The following FKBP1A variants were observed in gnomAD, a reference collection of about 807,000 sequenced individuals.
The protein encoded by FKBP1A is peptidyl-prolyl cis-trans isomerase FKBP1A.
In FKBP1A, 5 loss-of-function variants were observed where a neutral mutation model predicts 14.2. That is an observed-to-expected ratio of 0.35 (90% CI 0.18 to 0.74). The LOEUF (loss-of-function observed/expected upper bound fraction) is 0.74, where lower values mean the gene tolerates loss of function less well. FKBP1A is among the 30% of genes least tolerant of loss of function. FKBP1A has a pLI of 0.56. For synonymous variants in FKBP1A, 42 were observed against 49.1 expected (o/e 0.86, Z 0.60); for missense variants, 53 against 138.8 (o/e 0.38, Z 3.10).
chr20:1,375,011 A>G (rs899678583), intron 3 of FKBP1A, among the ~76,000 whole-genome samples: 9 of 152,010 alleles, frequency 5.9e-5, no homozygotes, highest in African/African-American at 1.9e-4. Flanking sequence ...TAATTTTTGT[A>G]TTTTTAATGG....
chr20:1,383,494 G>T (rs1350811023), intron 2 of FKBP1A, among the ~76,000 whole-genome samples: 1 of 151,940 alleles, frequency 6.6e-6, no homozygotes, highest in East Asian at 1.9e-4. Context: ...CAACACGCAG[G>T]TGAGTTTCTT....
chr20:1,370,904 A>G, intron 4 of FKBP1A: 2 of 985,500 alleles, frequency 2.0e-6, no homozygotes, highest in Non-Finnish European at 2.4e-6. Context: ...GTAAAGTGCC[A>G]GGGATTCCCT....
At chr20:1,374,542 T>C (rs947373920) in intron 3 of FKBP1A, 5 of 152,230 alleles carry the variant, frequency 3.3e-5, no homozygotes, top group Non-Finnish European at 5.9e-5. Context: ...TGCACCTTTA[T>C]AGCCTGGTGG....
intron 3 of FKBP1A, chr20:1,375,164 G>C (rs2089523528): frequency 2.0e-6 from 1 of 511,738 alleles, no homozygotes; most frequent in Non-Finnish European, 3.4e-6. Flanking sequence ...CAAAGTGCTG[G>C]AATTACAGGC....
chr20:1,392,521 C>T (rs1259460020), intron 2 of FKBP1A, among the ~76,000 whole-genome samples: 2 of 152,212 alleles, frequency 1.3e-5, no homozygotes, highest in African/African-American at 4.8e-5. Context: ...AGTGACTTCG[C>T]CTCGCCAAGC....
intron 2 of FKBP1A, among the ~76,000 whole-genome samples, chr20:1,388,725 A>G (rs2089696721): frequency 7.3e-6 from 1 of 137,192 alleles, no homozygotes. Flanking sequence ...TTGTCCACAC[A>G]GTAGCCAGAA....
At chr20:1,388,850 C>T (rs1202119527) in intron 2 of FKBP1A, among the ~76,000 whole-genome samples, 1 of 152,110 alleles carries the variant, frequency 6.6e-6, no homozygotes, top group Non-Finnish European at 1.5e-5. Flanking sequence ...TCCACCATCC[C>T]CTCATCTCCT....
At position 1,375,245 on chromosome 20, in the gene FKBP1A, A is replaced by C. The variant is rs570247638; in HGVS notation, c.198+246T>G. On this transcript the variant is annotated intron_variant, in intron 3 of 4. Coordinates refer to ENST00000400137, the MANE Select transcript of FKBP1A (RefSeq NM_000801.5). ...GCAAGTGTCAAAAATGCATTAAGTG[A>C]AAAAGTAAACTGCAAAACAGTATGT... The C allele has an allele frequency of 9.6e-5, 55 of 572,508 alleles. No homozygotes were observed. The African/African-American group carries it at 1.0e-3, about 10-fold the overall frequency. The allele number at this position is 572,508 out of a possible 1,614,324, so 35.5% of individuals were successfully genotyped here. A position where few individuals can be genotyped will look rare whatever the true frequency, so the allele number is the denominator to read the frequency against.
chr20:1,371,867 T>C, intron 4 of FKBP1A: 1 of 1,284,224 alleles, frequency 7.8e-7, no homozygotes, highest in Non-Finnish European at 9.8e-7. Context: ...ACTGGGAACA[T>C]ACACATGCCA....
intron 2 of FKBP1A, among the ~76,000 whole-genome samples, chr20:1,384,734 T>A (rs1426845867): frequency 6.6e-6 from 1 of 152,180 alleles, no homozygotes; most frequent in Non-Finnish European, 1.5e-5. Flanking sequence ...CTCCCTGAAG[T>A]GGGGTTCTGA....
At chr20:1,387,926 A>T (rs1183301631) in intron 2 of FKBP1A, among the ~76,000 whole-genome samples, 1 of 152,204 alleles carries the variant, frequency 6.6e-6, no homozygotes, top group Non-Finnish European at 1.5e-5. Context: ...ATTTAGAAAG[A>T]ATGAAGGAAT....
At chr20:1,371,836 G>T (rs2089468586) in intron 4 of FKBP1A, 1 of 1,209,108 alleles carries the variant, frequency 8.3e-7, no homozygotes, top group East Asian at 3.7e-5. Flanking sequence ...CATTTAAACA[G>T]CTGCCATCTC....
chr20:1,374,038 T>A (rs1384706427), intron 3 of FKBP1A, among the ~76,000 whole-genome samples: 1 of 152,208 alleles, frequency 6.6e-6, no homozygotes, highest in African/African-American at 2.4e-5. Context: ...ATAGAGGAAG[T>A]AGAGCAATGT....
chr20:1,389,487 A>G (rs1015250118), intron 2 of FKBP1A, among the ~76,000 whole-genome samples: 2 of 152,132 alleles, frequency 1.3e-5, no homozygotes, highest in African/African-American at 4.8e-5. Context: ...AGGAAAAGCA[A>G]GGGGCTTGAG....
Position 1,370,019 on chromosome 20 carries a change from C to T in FKBP1A, c.*90G>A, listed in dbSNP as rs1242463543. On this transcript the variant is annotated 3_prime_UTR_variant, in exon 5 of 5. Coordinates refer to ENST00000400137, the MANE Select transcript of FKBP1A (RefSeq NM_000801.5). ...GTGGAGTGGAACATCAGGAAAAGCT[C>T]CATATGGATTCATGTGCACATGTCT... The T allele has an allele frequency of 6.5e-7, 1 of 1,550,078 alleles. No individual in the cohort carries two copies. Among genetic ancestry groups the T allele is most frequent in the Non-Finnish European group, 8.7e-7 (1 of 1,146,804 alleles).
chr20:1,392,582 G>A (rs1815050450), intron 2 of FKBP1A, among the ~76,000 whole-genome samples: 1 of 152,176 alleles, frequency 6.6e-6, no homozygotes, highest in African/African-American at 2.4e-5. Flanking sequence ...CTAAGGTGCA[G>A]AAATGCTTCT....
intron 4 of FKBP1A, 109 bp downstream of exon 4, chr20:1,371,967 A>G (rs1294121180): frequency 2.0e-6 from 3 of 1,471,706 alleles, no homozygotes; most frequent in Non-Finnish European, 2.7e-6. Flanking sequence ...ATGCAGGGGG[A>G]AAAATAGCCT....
In FKBP1A at chr20:1,380,923, AAC is replaced by A. The variant is rs1568589463; in HGVS notation, c.86-5322_86-5321del. 9.8e-5 allele frequency among the ~76,000 whole-genome samples: 15 copies of A among 152,334 alleles called. No individual in the cohort carries two copies. In the South Asian group the frequency reaches 2.9e-3, roughly 29 times the overall value. On this transcript the variant is annotated intron_variant, in intron 2 of 4. Coordinates refer to ENST00000400137, the MANE Select transcript of FKBP1A (RefSeq NM_000801.5). ...CTGAAATGACAAAATATCCACACAT[AAC>A]ACAGTAAAAACTTCACACCATTATC...
At chr20:1,371,916 C>T (rs1319307327) in intron 4 of FKBP1A, 160 bp downstream of exon 4, 3 of 1,396,928 alleles carry the variant, frequency 2.1e-6, no homozygotes, top group Admixed American at 6.5e-5. Context: ...ACATTCAAAG[C>T]ATACACTAAT....
Sources: gnomAD v4.1 joint callset for allele counts (sites outside exome capture counted in the v4.1 genomes callset) on GRCh38, gnomAD v4.1.1 for gene constraint, MANE v1.5 for transcripts, NCBI Gene and HGNC (gene_info 2026-07-23, HGNC 2026-07-21) for gene names.